The following SLC25A41 variants were observed in gnomAD, a reference collection of about 807,000 sequenced individuals.
SLC25A41 encodes the protein mitochondrial carrier protein SCaMC-3L.
A neutral mutation model predicts 34.7 loss-of-function variants in SLC25A41; 35 were observed. The observed-to-expected ratio is 1.01, with a 90% CI of 0.77 to 1.34. The LOEUF is 1.34. Ranked by LOEUF, SLC25A41 falls within the 40% of genes most tolerant of loss-of-function variation. SLC25A41 has a pLI of 0.00. For missense variants in SLC25A41, 492 were observed against 489.8 expected (o/e 1.00, Z -0.04); for synonymous variants, 190 against 209.9 (o/e 0.91, Z 0.82).
chr19:6,429,177 T>TATA (rs2092268108), intron 4 of SLC25A41, among the ~76,000 whole-genome samples: 2 of 58,798 alleles, frequency 3.4e-5, no homozygotes, highest in African/African-American at 1.6e-4. Context: ...ATATATATAA[T>TATA]ATATATATGT....
chr19:6,426,418 C>T lies in SLC25A41; in HGVS notation c.1084G>A (p.Glu362Lys), dbSNP rs773600877. 20 of 1,613,774 alleles carry T rather than the reference C, an allele frequency of 1.2e-5. No homozygotes were observed. The highest frequency in any genetic ancestry group is 1.6e-5 in the Non-Finnish European group (19 of 1,179,776). The change falls in exon 7 of 7, where the codon GAA becomes AAA. Residue 362 changes from glutamate (E) to lysine (K), a missense_variant. By Grantham distance (56) the Glu-to-Lys change is moderately conservative. Coordinates refer to ENST00000321510, the MANE Select transcript of SLC25A41 (RefSeq NM_173637.4). ...ATGCCCAGGGTTTTCTTCATGGCTT[C>T]GTACACCACATAGCTGATGCCACCT... is the stretch of plus-strand genomic sequence containing the variant. ...PAGGISYVVY[E>K]AMKKTLGI
chr19:6,429,956 G>T (rs968006792), intron 3 of SLC25A41, 53 bp downstream of exon 3: 7 of 1,597,842 alleles, frequency 4.4e-6, no homozygotes, highest in African/African-American at 1.3e-5. Flanking sequence ...AGTTTTGGGG[G>T]CATGGGAGGG....
chr19:6,434,828 G>C (rs1434577365), upstream of SLC25A41, among the ~76,000 whole-genome samples: 1 of 152,122 alleles, frequency 6.6e-6, no homozygotes, highest in Non-Finnish European at 1.5e-5. Flanking sequence ...AGAATTGCTT[G>C]AACCCAGGAG....
chr19:6,426,351 TCC>T lies in SLC25A41; in HGVS notation c.*36_*37del. On this transcript the variant is annotated 3_prime_UTR_variant, in exon 7 of 7. Transcript: ENST00000321510. ...GGCCAGGGGTCATCAGGTCCTCCTG[TCC>T]CATTTCTGCCTAGGCTGTGTCGTCC... The T allele has an allele frequency of 1.3e-6, 2 of 1,592,708 alleles. No individual in the cohort carries two copies. The highest frequency in any genetic ancestry group is 1.7e-6 in the Non-Finnish European group (2 of 1,163,808).
chr19:6,428,189 G>A (rs2092252907), intron 4 of SLC25A41, among the ~76,000 whole-genome samples: 1 of 152,004 alleles, frequency 6.6e-6, no homozygotes, highest in Non-Finnish European at 1.5e-5. Flanking sequence ...GGCCAAGGTG[G>A]GTGGAACACT....
chr19:6,433,847 CGTGA>C, upstream of SLC25A41: 1 of 520,602 alleles, frequency 1.9e-6, no homozygotes, highest in Non-Finnish European at 3.3e-6. Context: ...TGGTGGGCAG[CGTGA>C]TGGCCCCCTT....
At chr19:6,430,269 C>G in intron 2 of SLC25A41, 108 bp from the exon 3 acceptor site, 2 of 1,209,076 alleles carry the variant, frequency 1.7e-6, no homozygotes, top group Non-Finnish European at 2.2e-6. Context: ...CCAACCCCAA[C>G]CCATCCCCAT....
chr19:6,426,260 CCA>C lies in SLC25A41; in HGVS notation c.*127_*128del, dbSNP rs2092239137. ...CTGACCCAGAGCCCCACCCCCACCC[CCA>C]GCCTGCTTTTGCCACCAAAAACTGC... On this transcript the variant is annotated 3_prime_UTR_variant, in exon 7 of 7. Coordinates refer to ENST00000321510, the MANE Select transcript of SLC25A41 (RefSeq NM_173637.4). 1.8e-5 allele frequency: 12 copies of C among 670,766 alleles called. No individual in the cohort carries two copies. Among genetic ancestry groups the C allele is most frequent in the South Asian group, 1.3e-4 (5 of 37,774 alleles). 41.6% of individuals were successfully genotyped at this position (670,766 alleles called of 1,614,324 possible).
chr19:6,430,470 T>G, intron 2 of SLC25A41: 11 of 453,240 alleles, frequency 2.4e-5, no homozygotes, highest in East Asian at 5.7e-5. Flanking sequence ...CCTCCCTCCC[T>G]TCCTCCGTTC....
chr19:6,430,805 C>A (rs1448806513), intron 2 of SLC25A41, among the ~76,000 whole-genome samples: 3 of 151,644 alleles, frequency 2.0e-5, no homozygotes, highest in African/African-American at 7.3e-5. Flanking sequence ...CCTTTTCTTT[C>A]TTGTTTTTTT....
intron 4 of SLC25A41, among the ~76,000 whole-genome samples, chr19:6,428,709 A>G (rs1243322720): frequency 6.9e-6 from 1 of 145,304 alleles, no homozygotes; most frequent in African/African-American, 2.5e-5. Context: ...TATAAAACAT[A>G]TATATATATA....
chr19:6,434,984 AG>A (rs1486075381), upstream of SLC25A41, among the ~76,000 whole-genome samples: 8 of 151,952 alleles, frequency 5.3e-5, no homozygotes, highest in South Asian at 1.0e-3. Context: ...GCACTTTGGG[AG>A]GTCAAGGCAG....
chr19:6,433,501 G>C lies in SLC25A41; in HGVS notation c.193C>G (p.Leu65Val). The stretch of plus-strand genomic sequence containing the variant: ...CCTAAACTCACCTGCTGTGACGGGA[G>C]ATGTTCAAGGTTGTTGTCATGCATG... ...GHMHDNNLEH[L>V]PSQQVLDTGE... Residue 65 changes from leucine to valine, a missense_variant, in exon 1 of 7, where the codon CTC becomes GTC. By Grantham distance (32) the Leu-to-Val change is conservative. Transcript: ENST00000321510. The C allele has an allele frequency of 6.2e-7, 1 of 1,608,142 alleles. No homozygotes were observed.
In SLC25A41 at chr19:6,432,048, C is replaced by A; in HGVS notation, c.363+1G>T. 6.2e-7 allele frequency: 1 copy of A among 1,609,810 alleles called. No individual in the cohort carries two copies. Among genetic ancestry groups the A allele is most frequent in the Non-Finnish European group, 8.5e-7 (1 of 1,177,694 alleles). On this transcript the variant is annotated splice_donor_variant, in intron 2 of 6. Transcript: ENST00000321510. LOFTEE classifies it high-confidence loss of function. The stretch of plus-strand genomic sequence containing the variant: ...CCGTCCTCCCCCCAACCCACACAAA[C>A]CTGCATGTACACCTTGGCTCTGTCC...
rs775723997 is a variant in SLC25A41 at position 6,426,374 on chromosome 19, C to T, written c.*15G>A. On this transcript the variant is annotated 3_prime_UTR_variant, in exon 7 of 7. Transcript: ENST00000321510. ...TGTCCCATTTCTGCCTAGGCTGTGTCGTCCAGCTCACAGCCTATATGCCCA... is the reference window on the plus strand; with the variant it reads ...TGTCCCATTTCTGCCTAGGCTGTGTTGTCCAGCTCACAGCCTATATGCCCA... The T allele has an allele frequency of 6.2e-7, 1 of 1,607,510 alleles. No individual in the cohort carries two copies. Among genetic ancestry groups the T allele is most frequent in the Admixed American group, 1.7e-5 (1 of 59,876 alleles).
In SLC25A41 at chr19:6,427,059, G is replaced by C. The variant is rs1403644870; in HGVS notation, c.940+44C>G. The C allele has an allele frequency of 6.4e-7, 1 of 1,550,892 alleles. No homozygotes were observed. Among genetic ancestry groups the C allele is most frequent in the Non-Finnish European group, 8.7e-7 (1 of 1,145,882 alleles). On this transcript the variant is annotated intron_variant, in intron 6 of 6. Transcript: ENST00000321510. This position sits in a 1 kb window ranked among gnomAD's most constrained non-coding sequence, Gnocchi z 4.9. ...GAGAAAATTGAGACAGCCAGGGTGG[G>C]GCGGGGAAGGGGCATGCGTGGTGGC...
chr19:6,427,676 G>C lies in SLC25A41; in HGVS notation c.625-175C>G, dbSNP rs545909102. On this transcript the variant is annotated intron_variant, in intron 4 of 6. Transcript: ENST00000321510. The surrounding 1 kb of genome is among the most constrained non-coding windows in gnomAD (Gnocchi z 4.9). Reference sequence around the variant, plus strand: ...GAATGCTCTCTGAATTTTGAGTTCTGAAGCACAAATGCTGGCAAAGGCCAA... The same window carrying C: ...GAATGCTCTCTGAATTTTGAGTTCTCAAGCACAAATGCTGGCAAAGGCCAA... Among the ~76,000 whole-genome samples the C allele has an allele frequency of 6.6e-6, 1 of 152,312 alleles. No individual in the cohort carries two copies. Among genetic ancestry groups the C allele is most frequent in the African/African-American group, 2.4e-5 (1 of 41,572 alleles).
At chr19:6,433,122 C>T (rs773047812) in intron 1 of SLC25A41, among the ~76,000 whole-genome samples, 2 of 152,144 alleles carry the variant, frequency 1.3e-5, no homozygotes, top group African/African-American at 2.4e-5. Context: ...GATCTGGGCT[C>T]ACTGCAACCT....
chr19:6,431,434 C>CTT (rs1182111344), intron 2 of SLC25A41, among the ~76,000 whole-genome samples: 1,507 of 142,178 alleles, frequency 0.011, 15 homozygotes, highest in South Asian at 0.029. Flanking sequence ...TCTATGTTGC[C>CTT]TTTTTTTTTT....
Sources: allele counts gnomAD v4.1 joint callset (sites outside exome capture counted in the v4.1 genomes callset), GRCh38; gene constraint gnomAD v4.1.1; non-coding constraint Gnocchi (gnomAD v3.1); transcripts MANE v1.5; gene names NCBI Gene and HGNC (gene_info 2026-07-23, HGNC 2026-07-21).